The following ATXN2L variants were observed in gnomAD, a reference collection of about 807,000 sequenced individuals.
ATXN2L encodes the protein ataxin-2-like protein.
A neutral mutation model predicts 120.7 loss-of-function variants in ATXN2L; 24 were observed. The ratio of observed to expected loss-of-function variants is 0.20; its 90% CI spans 0.14 to 0.28. ATXN2L has a LOEUF of 0.28. ATXN2L is among the 10% of genes least tolerant of loss of function. The pLI is 1.00. For synonymous variants in ATXN2L, 653 were observed against 568.1 expected (o/e 1.15, Z -2.13); for missense variants, 1,312 against 1,432.3 (o/e 0.92, Z 1.36).
At chr16:28,824,149 G>A in intron 1 of ATXN2L, 1 of 1,022,780 alleles carries the variant, frequency 9.8e-7, no homozygotes, top group Non-Finnish European at 1.2e-6. Context: ...CCCCCTTCCC[G>A]TACGTGCGCG....
Position 28,835,664 on chromosome 16 carries a change from C to A in ATXN2L, c.2801C>A (p.Ser934Tyr). The change falls in exon 21 of 22, where the codon TCC (serine) becomes TAC (tyrosine). Residue 934 changes from serine (S) to tyrosine (Y), a missense_variant. Physicochemically the swap from Ser to Tyr is moderately radical, Grantham distance 144. Coordinates refer to ENST00000336783, the MANE Select transcript of ATXN2L (RefSeq NM_007245.4). ...PSLPPGPSAQ[S>Y]PQSSFPQPAA... ...CTGCCACCGGGACCTTCTGCCCAGT[C>A]CCCTCAGAGCAGCTTCCCCCAGCCA... 12 of 1,614,110 alleles carry A rather than the reference C, an allele frequency of 7.4e-6. No homozygotes were observed. The highest frequency in any genetic ancestry group is 1.0e-5 in the Non-Finnish European group (12 of 1,180,002).
chr16:28,830,269 A>G (rs1044993661), intron 8 of ATXN2L, among the ~76,000 whole-genome samples: 6 of 152,216 alleles, frequency 3.9e-5, no homozygotes. Context: ...TTCAAAATTT[A>G]TGTGCTATTT....
intron 3 of ATXN2L, 30 bp downstream of exon 3, chr16:28,825,710 TAAGGA>T: frequency 6.2e-7 from 1 of 1,613,680 alleles, no homozygotes; most frequent in South Asian, 1.1e-5. Flanking sequence ...CCGGGTTGTT[TAAGGA>T]ACGTAATGCA....
chr16:28,835,227 C>T (rs1264741161), intron 19 of ATXN2L, 40 bp downstream of exon 19: 1 of 1,609,766 alleles, frequency 6.2e-7, no homozygotes, highest in South Asian at 1.1e-5. Context: ...GGGCTGTGTG[C>T]CAGCCCCCTC....
chr16:28,832,321 G>C lies in ATXN2L; in HGVS notation c.1438G>C (p.Val480Leu). The change falls in exon 11 of 22, where the codon GTG becomes CTG. Residue 480 changes from valine (V) to leucine (L), a missense_variant. Coordinates refer to ENST00000336783, the MANE Select transcript of ATXN2L (RefSeq NM_007245.4). ...AVPTSSASIP[V>L]TSSVSDPGVG... is the part of the protein sequence containing the mutation. ...GCCAACCTCTTCAGCCTCCATCCCT[G>C]TGACCTCATCAGTCTCAGATCCTGG... 1 of 1,614,088 alleles carries C rather than the reference G, an allele frequency of 6.2e-7. No homozygotes were observed. The highest frequency in any genetic ancestry group is 8.5e-7 in the Non-Finnish European group (1 of 1,180,020).
chr16:28,832,065 C>T (rs2054685655), intron 10 of ATXN2L, 140 bp from the exon 11 acceptor site: 1 of 858,390 alleles, frequency 1.2e-6, no homozygotes, highest in East Asian at 2.7e-5. Flanking sequence ...GCTTGTGTTA[C>T]CTGCCTTGAG....
At chr16:28,824,635 A>G in intron 1 of ATXN2L, 2 of 1,178,038 alleles carry the variant, frequency 1.7e-6, no homozygotes, top group Non-Finnish European at 2.2e-6. Context: ...CAGGCTGCTG[A>G]AAATGATTGT....
Position 28,830,802 on chromosome 16 carries a change from G to T in ATXN2L, c.1210+12G>T, listed in dbSNP as rs2054080393. Reference sequence around the variant, plus strand: ...TGGTATCAATGGAGGTGAGTTATGAGGTGACTTTGAGGAAGAGGGCAGGGA... The same window carrying T: ...TGGTATCAATGGAGGTGAGTTATGATGTGACTTTGAGGAAGAGGGCAGGGA... On this transcript the variant is annotated intron_variant, in intron 9 of 21. Coordinates refer to ENST00000336783, the MANE Select transcript of ATXN2L (RefSeq NM_007245.4). 1 of 1,582,696 alleles carries T rather than the reference G, an allele frequency of 6.3e-7. No individual in the cohort carries two copies. Among genetic ancestry groups the T allele is most frequent in the Non-Finnish European group, 8.6e-7 (1 of 1,165,026 alleles).
At position 28,835,983 on chromosome 16, in the gene ATXN2L, T is replaced by TC; in HGVS notation, c.2950dup (p.His984ProfsTer47). Reference sequence around the variant, plus strand: ...CAGCCCCGCCCCCTCACCCTGGGGCTCCCCACCCGCCCCAGGTGATGCTGC... The same window carrying TC: ...CAGCCCCGCCCCCTCACCCTGGGGCTCCCCCACCCGCCCCAGGTGATGCTGC... On this transcript the variant is annotated frameshift_variant, in exon 22 of 22. Coordinates refer to ENST00000336783, the MANE Select transcript of ATXN2L (RefSeq NM_007245.4). LOFTEE classifies it high-confidence loss of function. 2 of 1,540,876 alleles carry TC rather than the reference T, an allele frequency of 1.3e-6. No individual in the cohort carries two copies. Among genetic ancestry groups the TC allele is most frequent in the Non-Finnish European group, 1.7e-6 (2 of 1,143,316 alleles).
intron 13 of ATXN2L, 65 bp downstream of exon 13, chr16:28,832,952 C>T (rs2055063114): frequency 6.3e-7 from 1 of 1,598,412 alleles, no homozygotes; most frequent in Non-Finnish European, 8.6e-7. Context: ...GTAGATGAGG[C>T]AAAGGACTAG....
chr16:28,828,463 G>T (rs371624251), intron 6 of ATXN2L, among the ~76,000 whole-genome samples: 9 of 151,970 alleles, frequency 5.9e-5, no homozygotes, highest in Non-Finnish European at 1.3e-4. Flanking sequence ...GCACATGCCC[G>T]TAATCCCAGC....
chr16:28,828,093 G>C (rs1366319160), intron 6 of ATXN2L, among the ~76,000 whole-genome samples: 2 of 152,088 alleles, frequency 1.3e-5, no homozygotes, highest in Admixed American at 1.3e-4. Flanking sequence ...AATTGTATTT[G>C]TCCTTTTCCT....
At chr16:28,829,316 C>A in intron 6 of ATXN2L, 85 bp from the exon 7 acceptor site, 1 of 936,174 alleles carries the variant, frequency 1.1e-6, no homozygotes, top group Non-Finnish European at 1.8e-6. Flanking sequence ...TTGTTCACAT[C>A]TTGGAGTTTT....
rs148222425 is a variant in ATXN2L, at chr16:28,830,506, G to A, written c.1035-109G>A. The A allele has an allele frequency of 4.0e-4, 414 of 1,036,586 alleles. No homozygotes were observed. The African/African-American group carries it at 5.9e-3, about 15-fold the overall frequency. The allele number at this position is 1,036,586 out of a possible 1,614,324, so 64.2% of individuals were successfully genotyped here. A position where few individuals can be genotyped will look rare whatever the true frequency, so the allele number is the denominator to read the frequency against. On this transcript the variant is annotated intron_variant, in intron 8 of 21. Coordinates refer to ENST00000336783, the MANE Select transcript of ATXN2L (RefSeq NM_007245.4). ...TGGGATGGTGCTGGAGCCAGGCAGTGTGTGTATGTTTGGGGGCAGAAGGGG... is the reference window on the plus strand; with the variant it reads ...TGGGATGGTGCTGGAGCCAGGCAGTATGTGTATGTTTGGGGGCAGAAGGGG...
intron 15 of ATXN2L, chr16:28,833,800 G>T: frequency 1.6e-6 from 1 of 612,438 alleles, no homozygotes; most frequent in South Asian, 2.0e-5. Context: ...TTGGAGTGGG[G>T]TAGTCATGAA....
intron 4 of ATXN2L, 100 bp from the exon 5 acceptor site, chr16:28,826,140 G>GT (rs2051867593): frequency 2.7e-5 from 39 of 1,456,350 alleles, no homozygotes; most frequent in Middle Eastern, 4.6e-4. Flanking sequence ...TTTGGGAAGG[G>GT]TAAGAGAAAT....
rs1425481148 is a variant in ATXN2L at position 28,826,871 on chromosome 16, C to T, written c.626C>T (p.Thr209Ile). 7.6e-6 allele frequency: 12 copies of T among 1,581,328 alleles called. No individual in the cohort carries two copies. The highest frequency in any genetic ancestry group is 1.0e-5 in the Non-Finnish European group (12 of 1,159,762). ...DFNYATKDKF[T>I]DSAIAMNSKV... ...ACCTCTGCCCCCACAGACAAGTTCA[C>T]CGATTCAGCCATTGCCATGAACTCG... Residue 209 changes from threonine (T) to isoleucine (I), a missense_variant, in exon 6 of 22, where the codon ACC (threonine) becomes ATC (isoleucine). By Grantham distance (89) the Thr-to-Ile change is moderately conservative. Coordinates refer to ENST00000336783, the MANE Select transcript of ATXN2L (RefSeq NM_007245.4).
Position 28,836,625 on chromosome 16 carries a change from CCTT to C in ATXN2L, c.*362_*364del. On this transcript the variant is annotated 3_prime_UTR_variant, in exon 22 of 22. Transcript: ENST00000336783. ...CCCGAGACACCTTGAGGAGGCCGCT[CCTT>C]CCCAGACACACCCCCACGCCCCCAC... 6.2e-7 allele frequency: 1 copy of C among 1,603,724 alleles called. No homozygotes were observed.
chr16:28,826,834 C>T, intron 5 of ATXN2L, 28 bp from the exon 6 acceptor site: 1 of 1,526,448 alleles, frequency 6.6e-7, no homozygotes, highest in Non-Finnish European at 8.9e-7. Flanking sequence ...TATAGCCTGA[C>T]TCCTGATCTT....
Sources: allele counts gnomAD v4.1 joint callset (sites outside exome capture counted in the v4.1 genomes callset), GRCh38; gene constraint gnomAD v4.1.1; transcripts MANE v1.5; gene names NCBI Gene and HGNC (gene_info 2026-07-23, HGNC 2026-07-21).